Variants in BAALC observed in about 807,000 individuals in gnomAD.
BAALC encodes the protein BAALC binder of MAP3K1 and KLF4, also known as brain and acute leukemia cytoplasmic protein.
A neutral mutation model predicts 15.5 loss-of-function variants in BAALC; 9 were observed. The observed-to-expected ratio is 0.58, with a 90% CI of 0.35 to 1.02. The LOEUF is 1.02. Among genes scored for constraint, BAALC ranks in the 50% least tolerant of loss-of-function variants. The probability of loss-of-function intolerance (pLI) is 0.02; values close to 1 mark genes in which losing one functional copy is unlikely to be tolerated. For synonymous variants in BAALC, 80 were observed against 74.6 expected, an observed-to-expected ratio of 1.07 and a Z score of -0.37; for missense variants, 201 against 192.4, an observed-to-expected ratio of 1.04 and a Z score of -0.27.
intron 2 of BAALC, 87 bp from the exon 3 acceptor site, chr8:103,227,902 A>G: frequency 1.2e-6 from 1 of 868,802 alleles, no homozygotes; most frequent in Non-Finnish European, 1.8e-6. Context: ...TGGCACAATA[A>G]ACCTCTAAAT....
chr8:103,206,229 C>T (rs924382787), intron 1 of BAALC, among the ~76,000 whole-genome samples: 2 of 152,058 alleles, frequency 1.3e-5, no homozygotes, highest in Non-Finnish European at 2.9e-5. Flanking sequence ...AGCTTTAATT[C>T]TCTAATCAAT....
intron 1 of BAALC, among the ~76,000 whole-genome samples, chr8:103,144,988 G>A (rs1038314803): frequency 5.3e-5 from 8 of 152,298 alleles, no homozygotes; most frequent in African/African-American, 1.9e-4. Context: ...CTGGAAGTCT[G>A]CAAGTAACTT....
At chr8:103,187,747 G>C (rs1811875151) in intron 1 of BAALC, among the ~76,000 whole-genome samples, 4 of 152,106 alleles carry the variant, frequency 2.6e-5, no homozygotes. Flanking sequence ...CTGGGCCTGG[G>C]TCCTTCTTCC....
rs776048027 is a variant in BAALC at position 103,140,923 on chromosome 8, A to T, written c.26A>T (p.Asp9Val). The T allele has an allele frequency of 1.2e-5, 18 of 1,521,476 alleles. No individual in the cohort carries two copies. The African/African-American group carries it at 2.5e-4, about 21-fold the overall frequency. 94.2% of individuals were successfully genotyped at this position (1,521,476 alleles called of 1,614,324 possible). A position where few individuals can be genotyped will look rare whatever the true frequency, so the allele number is the denominator to read the frequency against. ...ATGGGCTGCGGCGGGAGCCGGGCGG[A>T]TGCCATCGAGCCCCGCTACTACGAG... is the stretch of plus-strand genomic sequence containing the variant. MGCGGSRADAIEPRYYESW... is the reference protein window; with the variant it reads MGCGGSRAVAIEPRYYESW... Residue 9 changes from aspartate to valine, a missense_variant, in exon 1 of 3, where the codon GAT becomes GTT. Asp to Val is a radical substitution (Grantham distance 152). Coordinates refer to ENST00000309982, the MANE Select transcript of BAALC (RefSeq NM_024812.3). The surrounding 1 kb of genome is among the most constrained non-coding windows in gnomAD (Gnocchi z 4.2).
intron 1 of BAALC, among the ~76,000 whole-genome samples, chr8:103,195,513 C>T (rs1812072693): frequency 6.6e-6 from 1 of 152,210 alleles, no homozygotes; most frequent in South Asian, 2.1e-4. Flanking sequence ...AAGACACCAG[C>T]TTTCATTGGG....
At chr8:103,225,578 C>T (rs778474104) in intron 2 of BAALC, among the ~76,000 whole-genome samples, 2 of 152,248 alleles carry the variant, frequency 1.3e-5, no homozygotes, top group East Asian at 3.9e-4. Context: ...GTTCAGTCAG[C>T]GGAACAGCTG....
At chr8:103,208,484 G>A (rs1321780039) in intron 1 of BAALC, 1 of 152,248 alleles carries the variant, frequency 6.6e-6, no homozygotes, top group East Asian at 1.9e-4. Context: ...CTCAGTTATG[G>A]CAGCTCTGCC....
chr8:103,152,140 C>T (rs910357255), intron 1 of BAALC, among the ~76,000 whole-genome samples: 2 of 152,118 alleles, frequency 1.3e-5, no homozygotes, highest in Non-Finnish European at 2.9e-5. Context: ...TTGTTTAATG[C>T]CTTCTGATAG....
chr8:103,172,855 T>C (rs1811528091), intron 1 of BAALC, among the ~76,000 whole-genome samples: 1 of 152,196 alleles, frequency 6.6e-6, no homozygotes, highest in South Asian at 2.1e-4. Context: ...CTTAAAAATG[T>C]GTATATTAAA....
chr8:103,177,940 A>G (rs1267861301), intron 1 of BAALC, among the ~76,000 whole-genome samples: 1 of 152,206 alleles, frequency 6.6e-6, no homozygotes, highest in African/African-American at 2.4e-5. Flanking sequence ...AAGGAACTAA[A>G]TCACATAGAA....
At chr8:103,216,687 G>A (rs1483185820) in intron 2 of BAALC, among the ~76,000 whole-genome samples, 1 of 152,070 alleles carries the variant, frequency 6.6e-6, no homozygotes, top group Non-Finnish European at 1.5e-5. Context: ...TGTTGCCCAG[G>A]CTGGTCTCAA....
chr8:103,220,329 A>G (rs891735974), intron 2 of BAALC, among the ~76,000 whole-genome samples: 2 of 152,172 alleles, frequency 1.3e-5, no homozygotes, highest in African/African-American at 4.8e-5. Context: ...TCTCTCAGGG[A>G]TGGGGCAAGG....
intron 1 of BAALC, among the ~76,000 whole-genome samples, chr8:103,182,312 C>T (rs925775940): frequency 5.3e-5 from 8 of 152,176 alleles, no homozygotes; most frequent in Middle Eastern, 3.2e-3. Flanking sequence ...TTGATGTGAA[C>T]TCTGCAAAGT....
intron 1 of BAALC, chr8:103,171,818 A>G (rs1811502180): frequency 6.6e-6 from 1 of 152,196 alleles, no homozygotes; most frequent in Non-Finnish European, 1.5e-5. Flanking sequence ...CAGGAAACCC[A>G]GGCAAAATCT....
chr8:103,206,555 G>A (rs778133514), intron 1 of BAALC, among the ~76,000 whole-genome samples: 3 of 152,124 alleles, frequency 2.0e-5, no homozygotes, highest in East Asian at 1.9e-4. Flanking sequence ...ACTAGAAGCC[G>A]GTGGACAAGA....
At chr8:103,205,015 G>C (rs192844111) in intron 1 of BAALC, among the ~76,000 whole-genome samples, 2 of 152,310 alleles carry the variant, frequency 1.3e-5, no homozygotes, top group East Asian at 3.9e-4. Flanking sequence ...CACTGGCTGT[G>C]ATTTTAGGAG....
At chr8:103,144,830 C>A (rs967299186) in intron 1 of BAALC, among the ~76,000 whole-genome samples, 2 of 152,164 alleles carry the variant, frequency 1.3e-5, no homozygotes, top group African/African-American at 4.8e-5. Flanking sequence ...AAATGGACAG[C>A]ATTTAATATC....
At chr8:103,163,528 A>T (rs1275569157) in intron 1 of BAALC, among the ~76,000 whole-genome samples, 2 of 152,192 alleles carry the variant, frequency 1.3e-5, no homozygotes, top group Non-Finnish European at 2.9e-5. Flanking sequence ...CTGGTTGTTC[A>T]GGTGTAAGAC....
chr8:103,184,159 T>C lies in BAALC; in HGVS notation c.161-28760T>C, dbSNP rs187350943. Among the ~76,000 whole-genome samples the C allele has an allele frequency of 2.1e-3, 322 of 152,370 alleles. 4 individuals are homozygous for C. Among genetic ancestry groups the C allele is most frequent in the Middle Eastern group, 3.4e-3 (1 of 294 alleles). On this transcript the variant is annotated intron_variant, in intron 1 of 2. Transcript: ENST00000309982. ...ATATCTCCTTTGAGTCTCTCTCTTC[T>C]GGTTCCCTCTTTTACCTTTAAGGAC... is the stretch of plus-strand genomic sequence containing the variant.
Sources: gnomAD v4.1 joint callset for allele counts (sites outside exome capture counted in the v4.1 genomes callset) on GRCh38, gnomAD v4.1.1 for gene constraint, Gnocchi (gnomAD v3.1) non-coding constraint, MANE v1.5 for transcripts, NCBI Gene and HGNC (gene_info 2026-07-23, HGNC 2026-07-21) for gene names.